Variants in COL18A1 observed in about 807,000 individuals in gnomAD.
COL18A1 encodes the protein collagen type XVIII alpha 1 chain, also known as collagen alpha-1(XVIII) chain.
Under a neutral mutation model 168.0 loss-of-function variants are expected in COL18A1, and 133 were observed. The ratio of observed to expected loss-of-function variants is 0.79; its 90% CI spans 0.69 to 0.91. COL18A1 has a LOEUF of 0.91. Ranked by LOEUF, COL18A1 falls within the 40% of genes least tolerant of loss-of-function variation. The pLI is 0.00. For missense variants in COL18A1, 2,126 were observed against 1,925.4 expected (o/e 1.10, Z -1.95); for synonymous variants, 949 against 809.0 (o/e 1.17, Z -2.94).
At chr21:45,510,396 C>A in intron 40 of COL18A1, 135 bp downstream of exon 40, 1 of 1,035,802 alleles carries the variant, frequency 9.7e-7, no homozygotes, top group East Asian at 2.6e-5. Context: ...AGGCTGGCGA[C>A]TTCAGGGCAG....
intron 2 of COL18A1, among the ~76,000 whole-genome samples, chr21:45,453,574 G>A (rs1013554751): frequency 2.6e-5 from 4 of 152,216 alleles, no homozygotes; most frequent in South Asian, 4.1e-4. Context: ...TTAAACGTGC[G>A]ATGCTGTGGA....
At chr21:45,456,745 GC>G (rs1568882024) in intron 2 of COL18A1, 1 of 1,389,224 alleles carries the variant, frequency 7.2e-7, no homozygotes, top group Admixed American at 2.1e-5. Flanking sequence ...CGCCCGCCCC[GC>G]CACCCTGCTG....
Position 45,456,563 on chromosome 21 carries a change from G to A in COL18A1, c.107-11679G>A, listed in dbSNP as rs557050550. 91 of 1,546,012 alleles carry A rather than the reference G, an allele frequency of 5.9e-5. No individual in the cohort carries two copies. Among genetic ancestry groups the A allele is most frequent in the Non-Finnish European group, 7.2e-5 (83 of 1,146,636 alleles). ...CCTGCCACCCTCCCTGCCAGTCTGC[G>A]GCCACCTGGGCATCTCACGCTTCTG... On this transcript the variant is annotated intron_variant, in intron 2 of 41. Transcript: ENST00000651438.
intron 2 of COL18A1, among the ~76,000 whole-genome samples, chr21:45,436,969 G>A (rs1211574347): frequency 2.0e-5 from 3 of 151,760 alleles, no homozygotes; most frequent in Non-Finnish European, 4.4e-5. Context: ...GCAGCTGGCT[G>A]TGGCAGGAGC....
chr21:45,499,074 G>A (rs1185986823), intron 32 of COL18A1, among the ~76,000 whole-genome samples: 9 of 152,186 alleles, frequency 5.9e-5, no homozygotes, highest in African/African-American at 9.7e-5. Context: ...CCCCTCATTC[G>A]AAGGATCAAC....
intron 2 of COL18A1, among the ~76,000 whole-genome samples, chr21:45,437,923 T>C (rs1384726671): frequency 6.3e-5 from 2 of 31,912 alleles, no homozygotes; most frequent in Non-Finnish European, 1.0e-4. Context: ...GGCACTCTCC[T>C]GCACACACAC....
chr21:45,405,431 C>A lies in COL18A1; in HGVS notation c.64C>A (p.Leu22Met). Residue 22 changes from leucine to methionine, a missense_variant, in exon 2 of 42, where the codon CTG becomes ATG. Leu to Met is a conservative substitution (Grantham distance 15, BLOSUM62 2). Coordinates refer to ENST00000651438, the MANE Select transcript of COL18A1 (RefSeq NM_001379500.1). ...RRRLLDVLAP[L>M]VLLLGVRAAS... is the part of the protein sequence containing the mutation. ...GCGCCTCCTGGACGTGCTCGCGCCC[C>A]TGGTCCTGCTGCTCGGGGTCCGCGC... 1 of 1,374,536 alleles carries A rather than the reference C, an allele frequency of 7.3e-7. No homozygotes were observed. The highest frequency in any genetic ancestry group is 1.5e-5 in the South Asian group (1 of 66,064). 85.1% of individuals were successfully genotyped at this position (1,374,536 alleles called of 1,614,324 possible).
chr21:45,486,710 C>G, intron 15 of COL18A1, 151 bp from the exon 16 acceptor site: 2 of 777,688 alleles, frequency 2.6e-6, no homozygotes, highest in Non-Finnish European at 4.0e-6. Flanking sequence ...AGAAGAAAGG[C>G]TGCTGTGGGG....
intron 2 of COL18A1, among the ~76,000 whole-genome samples, chr21:45,426,715 G>A (rs1250797346): frequency 1.3e-5 from 2 of 152,248 alleles, no homozygotes; most frequent in African/African-American, 2.4e-5. Flanking sequence ...ACGTGCTGCT[G>A]ATTGCCCACT....
At chr21:45,412,393 C>T (rs535547990) in intron 2 of COL18A1, among the ~76,000 whole-genome samples, 168 of 151,726 alleles carry the variant, frequency 1.1e-3, no homozygotes, top group Middle Eastern at 3.4e-3. Flanking sequence ...TGGGCCACCA[C>T]GCCTGGCTAA....
chr21:45,442,652 T>G (rs1251311194), intron 2 of COL18A1, among the ~76,000 whole-genome samples: 45 of 132,792 alleles, frequency 3.4e-4, no homozygotes, highest in African/African-American at 1.0e-3. Context: ...TGGGCAGCGG[T>G]GCTGGTGTGG....
At chr21:45,490,525 C>CTCCT (rs1568921725) in intron 20 of COL18A1, among the ~76,000 whole-genome samples, 179 bp downstream of exon 20, 17 of 88,006 alleles carry the variant, frequency 1.9e-4, no homozygotes, top group African/African-American at 8.1e-4. Context: ...TGCCCACTCC[C>CTCCT]GGGTCTCTGG....
At chr21:45,429,322 A>T (rs2033892875) in intron 2 of COL18A1, among the ~76,000 whole-genome samples, 1 of 152,308 alleles carries the variant, frequency 6.6e-6, no homozygotes, top group South Asian at 2.1e-4. Context: ...AGTCCCAGGC[A>T]TGGGCGTTGC....
chr21:45,492,177 C>T (rs1342973811), intron 22 of COL18A1, among the ~76,000 whole-genome samples: 2 of 152,102 alleles, frequency 1.3e-5, no homozygotes, highest in South Asian at 2.1e-4. Flanking sequence ...AGGGGCAGCC[C>T]GAGAGGCCAC....
chr21:45,433,117 C>T (rs554662156), intron 2 of COL18A1, among the ~76,000 whole-genome samples: 1 of 152,284 alleles, frequency 6.6e-6, no homozygotes, highest in African/African-American at 2.4e-5. Flanking sequence ...GGCTTCATTT[C>T]GAGAGGGTCA....
chr21:45,469,086 G>A (rs76838354), intron 3 of COL18A1, among the ~76,000 whole-genome samples: 3,973 of 152,278 alleles, frequency 0.026, 191 homozygotes, highest in African/African-American at 0.09. Context: ...CTGAGACCCC[G>A]AGGCCCAGCC....
chr21:45,453,282 CAT>C (rs757118823), intron 2 of COL18A1, among the ~76,000 whole-genome samples: 12 of 152,104 alleles, frequency 7.9e-5, no homozygotes, highest in South Asian at 4.2e-4. Context: ...CTTATATGTA[CAT>C]GTGTGGGGGC....
intron 3 of COL18A1, among the ~76,000 whole-genome samples, chr21:45,470,378 A>G (rs949873896): frequency 7.3e-6 from 1 of 137,414 alleles, no homozygotes; most frequent in African/African-American, 2.8e-5. Context: ...TTGGTTTTGC[A>G]TGCTGCAGAT....
At position 45,442,156 on chromosome 21, in the gene COL18A1, A is replaced by G. The variant is rs183325629; in HGVS notation, c.107-26086A>G. On this transcript the variant is annotated intron_variant, in intron 2 of 41. Transcript: ENST00000651438. The stretch of plus-strand genomic sequence containing the variant: ...GTGGCGCTGCCCTGTTGCCCACCGT[A>G]GCTGCTGTGGGGCCACAGCCTTGAG... 3.4e-3 allele frequency among the ~76,000 whole-genome samples: 512 copies of G among 151,586 alleles called. 3 individuals are homozygous for G. Among genetic ancestry groups the G allele is most frequent in the African/African-American group, 0.012 (493 of 41,264 alleles).
Sources: gnomAD v4.1 joint callset for allele counts (sites outside exome capture counted in the v4.1 genomes callset) on GRCh38, gnomAD v4.1.1 for gene constraint, MANE v1.5 for transcripts, NCBI Gene and HGNC (gene_info 2026-07-23, HGNC 2026-07-21) for gene names.